NEK7: variants seen among roughly 807,000 people sequenced by gnomAD.
NEK7 encodes NIMA related kinase 7, also known as serine/threonine-protein kinase Nek7.
A neutral mutation model predicts 44.6 loss-of-function variants in NEK7; 18 were observed. That is an observed-to-expected ratio of 0.40 (90% CI 0.28 to 0.60). The LOEUF (loss-of-function observed/expected upper bound fraction) is 0.60, where lower values mean the gene tolerates loss of function less well. Ranked by LOEUF, NEK7 falls within the 20% of genes least tolerant of loss-of-function variation. The pLI is 0.38. For missense variants in NEK7, 256 were observed against 366.5 expected (o/e 0.70, Z 2.46); for synonymous variants, 130 against 121.1 (o/e 1.07, Z -0.48).
At chr1:198,280,774 TATA>T (rs1450004615) in intron 7 of NEK7, among the ~76,000 whole-genome samples, 3 of 148,614 alleles carry the variant, frequency 2.0e-5, no homozygotes, top group African/African-American at 7.3e-5. Context: ...GTTTTATATA[TATA>T]ATGTGTGTAT....
intron 3 of NEK7, chr1:198,256,548 T>G: frequency 1.4e-6 from 2 of 1,471,428 alleles, no homozygotes; most frequent in Non-Finnish European, 1.8e-6. Context: ...TTGCTTTTCT[T>G]TCTCTCTTGC....
intron 9 of NEK7, among the ~76,000 whole-genome samples, chr1:198,303,383 T>C (rs1654941388): frequency 6.6e-6 from 1 of 152,090 alleles, no homozygotes; most frequent in Admixed American, 6.5e-5. Flanking sequence ...TTTTTGTTTA[T>C]TTTAAATTTA....
chr1:198,223,313 A>C (rs1321947123), intron 1 of NEK7, among the ~76,000 whole-genome samples: 1 of 152,236 alleles, frequency 6.6e-6, no homozygotes, highest in Non-Finnish European at 1.5e-5. Context: ...ATGGAGGAAC[A>C]TGAACAAATT....
intron 3 of NEK7, among the ~76,000 whole-genome samples, chr1:198,258,149 C>CA (rs1485271409): frequency 6.6e-6 from 1 of 152,038 alleles, no homozygotes; most frequent in Non-Finnish European, 1.5e-5. Context: ...AGGAAGGTTC[C>CA]AGCTGTAGAG....
rs540322190 is a variant in NEK7 at position 198,227,695 on chromosome 1, C to T, written c.-28-4858C>T. On this transcript the variant is annotated intron_variant, in intron 1 of 9. Transcript: ENST00000367385. ...TTGAGAAGTGTCTGTTCATATCCTTCGCCCACTTTTGATGGGGTTGTTTGT... is the reference window on the plus strand; with the variant it reads ...TTGAGAAGTGTCTGTTCATATCCTTTGCCCACTTTTGATGGGGTTGTTTGT... 5.7e-3 allele frequency among the ~76,000 whole-genome samples: 869 copies of T among 152,180 alleles called. 8 individuals carry two copies. The highest frequency in any genetic ancestry group is 0.019 in the African/African-American group (786 of 41,524).
rs774258075 is a variant in NEK7 at position 198,253,200 on chromosome 1, A to G, written c.198+20A>G. On this transcript the variant is annotated intron_variant, in intron 3 of 9. Transcript: ENST00000367385. ...GTGCAGGTAAGATGACTTTAATTAT[A>G]TAAATCAATGTAAAATTATACTATG... 17 of 1,521,332 alleles carry G rather than the reference A, an allele frequency of 1.1e-5. No individual in the cohort carries two copies. The Admixed American group carries it at 2.9e-4, about 26-fold the overall frequency. The allele number at this position is 1,521,332 out of a possible 1,614,324, so 94.2% of individuals were successfully genotyped here.
At chr1:198,211,676 G>A (rs1201102398) in intron 1 of NEK7, among the ~76,000 whole-genome samples, 1 of 152,074 alleles carries the variant, frequency 6.6e-6, no homozygotes, top group East Asian at 1.9e-4. Context: ...CTATTTTCTG[G>A]TGTTAATAAT....
chr1:198,279,660 G>A (rs1229908662), intron 7 of NEK7, among the ~76,000 whole-genome samples: 1 of 149,964 alleles, frequency 6.7e-6, no homozygotes, highest in African/African-American at 2.4e-5. Context: ...AAATTTAATG[G>A]TGCTCATCTT....
Position 198,260,852 on chromosome 1 carries a change from G to C in NEK7, c.199-1723G>C, listed in dbSNP as rs147601647. ...TTTTCACTATGCAAAAAGCACATGC[G>C]TTTGTACAAGAAATAGAAGGGACTG... On this transcript the variant is annotated intron_variant, in intron 3 of 9. Coordinates refer to ENST00000367385, the MANE Select transcript of NEK7 (RefSeq NM_133494.3). Among the ~76,000 whole-genome samples the C allele has an allele frequency of 5.0e-3, 757 of 151,976 alleles. 11 individuals are homozygous for C. Among genetic ancestry groups the C allele is most frequent in the African/African-American group, 0.017 (722 of 41,472 alleles).
rs185822651 is a variant in NEK7, at chr1:198,185,386, G to A, written c.-29+28110G>A. 4.0e-4 allele frequency among the ~76,000 whole-genome samples: 60 copies of A among 151,784 alleles called. 2 individuals are homozygous for A. The highest frequency in any genetic ancestry group is 1.6e-3 in the Admixed American group (25 of 15,254). On this transcript the variant is annotated intron_variant, in intron 1 of 9. Transcript: ENST00000367385. ...GTGTTGTCCAAATTTGTGAAATTGCGTAAGAAATATATATATATTTTTAAC... is the reference window on the plus strand; with the variant it reads ...GTGTTGTCCAAATTTGTGAAATTGCATAAGAAATATATATATATTTTTAAC...
rs1427181692 is a variant in NEK7, at chr1:198,195,709, C to T, written c.-28-36844C>T. On this transcript the variant is annotated intron_variant, in intron 1 of 9. Transcript: ENST00000367385. ...GTGTGGTGGTGCACATCTGTAATCC[C>T]AGCTACTTGGGAGGCTGAGGCAGGA... is the stretch of plus-strand genomic sequence containing the variant. Among the ~76,000 whole-genome samples the T allele has an allele frequency of 2.6e-5, 4 of 152,218 alleles. No individual in the cohort carries two copies. In the East Asian group the frequency reaches 7.7e-4, roughly 29 times the overall value.
intron 8 of NEK7, among the ~76,000 whole-genome samples, chr1:198,295,620 A>AG (rs1329686377): frequency 4.0e-5 from 6 of 150,952 alleles, no homozygotes; most frequent in Admixed American, 6.6e-5. Flanking sequence ...GGGGACATTC[A>AG]GATTTTTTTT....
chr1:198,197,738 C>G (rs549853212), intron 1 of NEK7: 8 of 602,318 alleles, frequency 1.3e-5, no homozygotes, highest in Non-Finnish European at 2.1e-5. Context: ...GATGGGAGAA[C>G]AGAACTGGTG....
At chr1:198,194,624 A>C (rs956311176) in intron 1 of NEK7, among the ~76,000 whole-genome samples, 1 of 152,158 alleles carries the variant, frequency 6.6e-6, no homozygotes, top group African/African-American at 2.4e-5. Context: ...AACTCCATCC[A>C]TATTCCCACA....
intron 2 of NEK7, among the ~76,000 whole-genome samples, chr1:198,246,014 T>C (rs1398975149): frequency 6.6e-6 from 1 of 152,218 alleles, no homozygotes; most frequent in African/African-American, 2.4e-5. Flanking sequence ...TTCCTAAAAA[T>C]AGTTCTTTAC....
intron 9 of NEK7, among the ~76,000 whole-genome samples, chr1:198,301,987 CTGAT>C (rs1448725651): frequency 2.0e-5 from 3 of 152,102 alleles, no homozygotes; most frequent in African/African-American, 7.2e-5. Context: ...TTCAGTAAGT[CTGAT>C]TAACGCTTTT....
intron 2 of NEK7, among the ~76,000 whole-genome samples, chr1:198,242,864 T>A (rs1666728971): frequency 6.6e-6 from 1 of 151,290 alleles, no homozygotes; most frequent in East Asian, 1.9e-4. Context: ...GTTTTTGCCA[T>A]GTGCCATGTT....
At chr1:198,201,723 C>G (rs908991365) in intron 1 of NEK7, among the ~76,000 whole-genome samples, 1 of 151,962 alleles carries the variant, frequency 6.6e-6, no homozygotes, top group Admixed American at 6.6e-5. Flanking sequence ...CTTCTCTTTC[C>G]GGAGCCTCAC....
intron 1 of NEK7, among the ~76,000 whole-genome samples, chr1:198,228,457 G>A (rs923551569): frequency 6.6e-6 from 1 of 152,022 alleles, no homozygotes; most frequent in Non-Finnish European, 1.5e-5. Flanking sequence ...ATTACCTTGG[G>A]CAGTATGGCC....
Sources: allele counts gnomAD v4.1 joint callset (sites outside exome capture counted in the v4.1 genomes callset), GRCh38; gene constraint gnomAD v4.1.1; transcripts MANE v1.5; gene names NCBI Gene and HGNC (gene_info 2026-07-23, HGNC 2026-07-21).